The following C10orf90 variants were observed in gnomAD, a reference collection of about 807,000 sequenced individuals.
C10orf90 encodes (E2-independent) E3 ubiquitin-conjugating enzyme FATS.
In C10orf90, 56 loss-of-function variants were observed where a neutral mutation model predicts 62.5. That is an observed-to-expected ratio of 0.90 (90% confidence interval 0.72 to 1.12). C10orf90 has a LOEUF of 1.12. Ranked by LOEUF, C10orf90 falls within the 50% of genes most tolerant of loss-of-function variation. The pLI, the probability that C10orf90 is intolerant of heterozygous loss-of-function variation, is 0.00. For synonymous variants in C10orf90, 386 were observed against 340.4 expected (o/e 1.13, Z -1.47); for missense variants, 970 against 880.4 (o/e 1.10, Z -1.29).
At chr10:126,439,839 A>C (rs932643837) in intron 7 of C10orf90, among the ~76,000 whole-genome samples, 14 of 152,166 alleles carry the variant, frequency 9.2e-5, no homozygotes, top group African/African-American at 3.4e-4. Context: ...TCACTTTTGC[A>C]TTACAGAAGT....
chr10:126,451,119 C>T (rs1039608089), intron 7 of C10orf90, among the ~76,000 whole-genome samples: 2 of 151,672 alleles, frequency 1.3e-5, no homozygotes, highest in African/African-American at 4.8e-5. Context: ...CAGGGAAATG[C>T]AAATTAAAAC....
chr10:126,507,191 A>T (rs1177496985), intron 3 of C10orf90, among the ~76,000 whole-genome samples: 1 of 152,116 alleles, frequency 6.6e-6, no homozygotes, highest in Admixed American at 6.5e-5. Flanking sequence ...CTCTGTCTCT[A>T]CTAAAAATAC....
chr10:126,505,368 G>C (rs552318576), intron 3 of C10orf90, among the ~76,000 whole-genome samples: 3 of 152,310 alleles, frequency 2.0e-5, no homozygotes, highest in African/African-American at 7.2e-5. Flanking sequence ...TGTCAACGGG[G>C]ATCATCTAAT....
chr10:126,469,692 C>G (rs1329142802), intron 4 of C10orf90: 30 of 357,634 alleles, frequency 8.4e-5, no homozygotes, highest in South Asian at 6.3e-4. Flanking sequence ...CTGCCCTCAA[C>G]ACCTTTGCAA....
chr10:126,534,668 C>T (rs549087422), intron 2 of C10orf90, among the ~76,000 whole-genome samples: 9 of 152,248 alleles, frequency 5.9e-5, no homozygotes, highest in Non-Finnish European at 1.2e-4. Flanking sequence ...CCATTGGGTC[C>T]GGGCCACCTT....
chr10:126,431,664 G>C (rs1197675524), intron 7 of C10orf90, among the ~76,000 whole-genome samples: 1 of 152,192 alleles, frequency 6.6e-6, no homozygotes, highest in Non-Finnish European at 1.5e-5. Flanking sequence ...CTCAAGATTA[G>C]GGTGAGGCCA....
At chr10:126,581,181 G>A (rs1844744121) in intron 2 of C10orf90, among the ~76,000 whole-genome samples, 1 of 152,200 alleles carries the variant, frequency 6.6e-6, no homozygotes, top group Non-Finnish European at 1.5e-5. Context: ...TCCGTCTCAT[G>A]TAGCCTCTGG....
intron 1 of C10orf90, among the ~76,000 whole-genome samples, chr10:126,661,266 A>T (rs1375702631): frequency 1.3e-5 from 2 of 152,034 alleles, no homozygotes; most frequent in Non-Finnish European, 2.9e-5. Flanking sequence ...AACAACAACA[A>T]CTCATTTTCA....
At chr10:126,469,201 A>G (rs1180568191) in intron 4 of C10orf90, among the ~76,000 whole-genome samples, 1 of 152,242 alleles carries the variant, frequency 6.6e-6, no homozygotes, top group Non-Finnish European at 1.5e-5. Flanking sequence ...CAAGGTAGGT[A>G]AATGACATAC....
At chr10:126,624,434 G>T (rs1591153824) in intron 2 of C10orf90, among the ~76,000 whole-genome samples, 1 of 152,112 alleles carries the variant, frequency 6.6e-6, no homozygotes, top group African/African-American at 2.4e-5. Context: ...GGCCCTTTTT[G>T]TGTGTCACTT....
chr10:126,542,607 C>T (rs1327083053), intron 2 of C10orf90, among the ~76,000 whole-genome samples: 1 of 152,154 alleles, frequency 6.6e-6, no homozygotes, highest in African/African-American at 2.4e-5. Flanking sequence ...TACCACTTAA[C>T]TGTTCACTTT....
chr10:126,643,534 A>G (rs1846106536), intron 2 of C10orf90, among the ~76,000 whole-genome samples: 1 of 152,126 alleles, frequency 6.6e-6, no homozygotes, highest in Non-Finnish European at 1.5e-5. Context: ...TGTACATCTA[A>G]TATCTGACCT....
intron 2 of C10orf90, among the ~76,000 whole-genome samples, chr10:126,634,591 T>TA (rs1428797484): frequency 6.6e-6 from 1 of 151,930 alleles, no homozygotes; most frequent in Non-Finnish European, 1.5e-5. Flanking sequence ...ATTGTACACT[T>TA]AAAAAAAATC....
chr10:126,575,758 A>C (rs1844598376), intron 2 of C10orf90, among the ~76,000 whole-genome samples: 1 of 151,990 alleles, frequency 6.6e-6, no homozygotes, highest in Non-Finnish European at 1.5e-5. Context: ...ACAATAGAGA[A>C]CCCAGAAATT....
At chr10:126,428,531 G>A (rs12260659) in intron 8 of C10orf90, among the ~76,000 whole-genome samples, 38,423 of 152,044 alleles carry the variant, frequency 0.25, 5,025 homozygotes, top group Middle Eastern at 0.3. Context: ...GAGACCAGCT[G>A]GGGGAAGCCA....
In C10orf90 at chr10:126,459,092, G is replaced by A. The variant is rs752192754; in HGVS notation, c.2136C>T (p.Leu712=). 3.1e-6 allele frequency: 5 copies of A among 1,613,900 alleles called. No individual in the cohort carries two copies. The highest frequency in any genetic ancestry group is 1.3e-5 in the African/African-American group (1 of 74,916). The change falls in exon 7 of 10, where the codon CTC becomes CTT. Residue 712 remains leucine, a synonymous_variant. Coordinates refer to ENST00000488181, the MANE Select transcript of C10orf90 (RefSeq NM_001350921.2). ...GCTTCTTGCTGGTGCGGATGGGAAG[G>A]AGGCTCTGCTTCTGCCTCAGGTCCT... ...RKEDLRQKQS[L]LPIRTSKKQF... is the part of the protein sequence containing the mutation.
chr10:126,541,948 T>A (rs373687938), intron 2 of C10orf90, among the ~76,000 whole-genome samples: 1 of 152,138 alleles, frequency 6.6e-6, no homozygotes, highest in Admixed American at 6.5e-5. Context: ...AATGAATGGA[T>A]AAATTGTTGT....
rs1846729934 is a variant in C10orf90, at chr10:126,670,554, G to A, written c.-74C>T. The A allele has an allele frequency of 4.6e-6, 2 of 434,088 alleles. No homozygotes were observed. Among genetic ancestry groups the A allele is most frequent in the Admixed American group, 4.8e-5 (2 of 41,438 alleles). The allele number at this position is 434,088 out of a possible 1,614,324, so 26.9% of individuals were successfully genotyped here. On this transcript the variant is annotated 5_prime_UTR_variant, in exon 1 of 10. Transcript: ENST00000488181. The stretch of plus-strand genomic sequence containing the variant: ...TTTCTTTGTTTAACCCAGGTATTGA[G>A]TGCAACAGGAGGGACTTGGGCAGTG...
At chr10:126,446,658 T>C (rs74158269) in intron 7 of C10orf90, among the ~76,000 whole-genome samples, 3,663 of 152,248 alleles carry the variant, frequency 0.024, 157 homozygotes, top group African/African-American at 0.083. Flanking sequence ...AGCAAAAGGA[T>C]ACTAATTACT....
Sources: gnomAD v4.1 joint callset for allele counts (sites outside exome capture counted in the v4.1 genomes callset) on GRCh38, gnomAD v4.1.1 for gene constraint, MANE v1.5 for transcripts, NCBI Gene and HGNC (gene_info 2026-07-23, HGNC 2026-07-21) for gene names.